The following GFPT2 variants were observed in gnomAD, a reference collection of about 807,000 sequenced individuals.
GFPT2 encodes glutamine--fructose-6-phosphate transaminase 2, also known as glutamine--fructose-6-phosphate aminotransferase [isomerizing] 2.
In GFPT2, 62 loss-of-function variants were observed where a neutral mutation model predicts 85.6. That is an observed-to-expected ratio of 0.72 (90% confidence interval 0.59 to 0.90). GFPT2 has a LOEUF of 0.90. GFPT2 is among the 40% of genes least tolerant of loss of function. GFPT2 has a pLI of 0.00. For missense variants in GFPT2, 788 were observed against 893.4 expected, an observed-to-expected ratio of 0.88 and a Z score of 1.50; for synonymous variants, 368 against 344.5, an observed-to-expected ratio of 1.07 and a Z score of -0.75.
intron 10 of GFPT2, among the ~76,000 whole-genome samples, chr5:180,317,552 G>A (rs1258561528): frequency 1.3e-5 from 2 of 151,254 alleles, no homozygotes; most frequent in Non-Finnish European, 2.9e-5. Flanking sequence ...GAAGTCAGGA[G>A]ATCGAGACCA....
At chr5:180,336,380 G>A in intron 3 of GFPT2, 99 bp downstream of exon 3, 2 of 790,044 alleles carry the variant, frequency 2.5e-6, no homozygotes, top group South Asian at 1.4e-5. Flanking sequence ...TCTGAGCTGG[G>A]ACAAAGGAGA....
At chr5:180,305,259 C>G (rs1763754189) in intron 16 of GFPT2, among the ~76,000 whole-genome samples, 1 of 152,182 alleles carries the variant, frequency 6.6e-6, no homozygotes, top group Non-Finnish European at 1.5e-5. Flanking sequence ...CGGAGTCAGC[C>G]TAGCTCACCC....
chr5:180,308,871 G>T (rs919081622), intron 15 of GFPT2, among the ~76,000 whole-genome samples: 16 of 146,408 alleles, frequency 1.1e-4, no homozygotes, highest in African/African-American at 3.5e-4. Flanking sequence ...CATCAGAGAA[G>T]ACTTTTTTTT....
chr5:180,313,954 C>T lies in GFPT2; in HGVS notation c.1284G>A (p.Ala428=), dbSNP rs368152280. 1.0e-4 allele frequency: 165 copies of T among 1,597,420 alleles called. 1 individual carries two copies. The African/African-American group carries it at 2.0e-3, about 19-fold the overall frequency. Residue 428 remains alanine, a synonymous_variant, in exon 14 of 19, where the codon GCG becomes GCA. Transcript: ENST00000253778. Reference sequence around the variant, plus strand: ...AGTAGCGCAGCGCCAGGAGGGTGTCCGCGGTCTCGCCTGCCGCCCAGGGGC... The same window carrying T: ...AGTAGCGCAGCGCCAGGAGGGTGTCTGCGGTCTCGCCTGCCGCCCAGGGGC... ...CFFISQSGET[A]DTLLALRYCK...
chr5:180,301,683 G>A, intron 18 of GFPT2, 75 bp from the exon 19 acceptor site: 1 of 1,245,678 alleles, frequency 8.0e-7, no homozygotes, highest in Non-Finnish European at 1.2e-6. Flanking sequence ...ACAATTTTCA[G>A]AGTACTTAAA....
At chr5:180,346,414 C>T (rs1764609321) in intron 1 of GFPT2, among the ~76,000 whole-genome samples, 2 of 152,190 alleles carry the variant, frequency 1.3e-5, no homozygotes, top group South Asian at 2.1e-4. Context: ...AGAGCCAAGC[C>T]CCACCACGGG....
chr5:180,306,800 C>T (rs902362400), intron 16 of GFPT2, among the ~76,000 whole-genome samples: 11 of 152,304 alleles, frequency 7.2e-5, no homozygotes, highest in African/African-American at 2.6e-4. Flanking sequence ...CTTTCAGAGG[C>T]TTTGTTTCCT....
At chr5:180,303,074 C>CA (rs1425707478) in intron 17 of GFPT2, among the ~76,000 whole-genome samples, 1 of 142,068 alleles carries the variant, frequency 7.0e-6, no homozygotes, top group Non-Finnish European at 1.6e-5. Context: ...CTAAAAAATA[C>CA]AAAAAATTAG....
At chr5:180,314,009 G>A (rs1214905044) in intron 13 of GFPT2, 45 bp from the exon 14 acceptor site, 1 of 1,537,550 alleles carries the variant, frequency 6.5e-7, no homozygotes, top group African/African-American at 1.4e-5. Context: ...GCCAGCCTCG[G>A]CCCCACCCCA....
At chr5:180,317,475 C>CCAGCCACA (rs1764032287) in intron 10 of GFPT2, among the ~76,000 whole-genome samples, 1 of 151,734 alleles carries the variant, frequency 6.6e-6, no homozygotes, top group African/African-American at 2.4e-5. Context: ...AAAAACCTTT[C>CCAGCCACA]CAGGCCGGGC....
chr5:180,333,854 G>C (rs1031238211), intron 4 of GFPT2, among the ~76,000 whole-genome samples: 1 of 152,046 alleles, frequency 6.6e-6, no homozygotes, highest in African/African-American at 2.4e-5. Flanking sequence ...TCCCTGCTTT[G>C]GGGACACAAT....
intron 9 of GFPT2, 63 bp downstream of exon 9, chr5:180,324,122 CAGT>C: frequency 2.3e-6 from 2 of 880,608 alleles, no homozygotes; most frequent in Non-Finnish European, 3.7e-6. Context: ...TAAGAACCGG[CAGT>C]GTTTAGACAG....
At chr5:180,313,506 C>T (rs563828033) in intron 14 of GFPT2, among the ~76,000 whole-genome samples, 44 of 151,414 alleles carry the variant, frequency 2.9e-4, no homozygotes, top group Non-Finnish European at 1.8e-4. Context: ...AGGAGAATGG[C>T]GTGAACCCGG....
chr5:180,340,229 A>G (rs1764485601), intron 1 of GFPT2, among the ~76,000 whole-genome samples: 1 of 151,642 alleles, frequency 6.6e-6, no homozygotes, highest in African/African-American at 2.4e-5. Flanking sequence ...TTTTTGAGAC[A>G]GAGTTTCATT....
intron 8 of GFPT2, 192 bp from the exon 9 acceptor site, chr5:180,324,497 A>G (rs997677387): frequency 1.7e-6 from 1 of 587,676 alleles, no homozygotes; most frequent in East Asian, 2.8e-5. Flanking sequence ...AAATGGCTAC[A>G]GTGTGAGAGG....
chr5:180,316,737 T>A lies in GFPT2; in HGVS notation c.1152+27A>T, dbSNP rs529319834. On this transcript the variant is annotated intron_variant, in intron 12 of 18. Transcript: ENST00000253778. ...TGTCTGGTCCTAGACTGCCGTCGACTTCCCCACGCACATGTGTCACACTTA... is the reference window on the plus strand; with the variant it reads ...TGTCTGGTCCTAGACTGCCGTCGACATCCCCACGCACATGTGTCACACTTA... 18 of 1,518,452 alleles carry A rather than the reference T, an allele frequency of 1.2e-5. No homozygotes were observed. In the Admixed American group the frequency reaches 3.1e-4, roughly 26 times the overall value. 94.1% of individuals were successfully genotyped at this position (1,518,452 alleles called of 1,614,324 possible). A position where few individuals can be genotyped will look rare whatever the true frequency, so the allele number is the denominator to read the frequency against.
Position 180,342,502 on chromosome 5 carries a change from C to T in GFPT2, c.8-3902G>A, listed in dbSNP as rs572123337. 2.0e-5 allele frequency among the ~76,000 whole-genome samples: 3 copies of T among 151,524 alleles called. No homozygotes were observed. The South Asian group carries it at 6.3e-4, about 32-fold the overall frequency. On this transcript the variant is annotated intron_variant, in intron 1 of 18. Coordinates refer to ENST00000253778, the MANE Select transcript of GFPT2 (RefSeq NM_005110.4). ...TCGGCTCACTGCAACCTCGAACTCC[C>T]AGGCCCAAGCTATCCCCACAGCCTT...
chr5:180,331,461 C>A (rs1424942673), intron 5 of GFPT2, 34 bp downstream of exon 5: 8 of 1,310,950 alleles, frequency 6.1e-6, no homozygotes, highest in Non-Finnish European at 8.8e-6. Flanking sequence ...CCAATCCCAC[C>A]GGACTGAGAC....
intron 14 of GFPT2, among the ~76,000 whole-genome samples, chr5:180,313,551 CTG>C (rs1343174798): frequency 6.6e-6 from 1 of 151,380 alleles, no homozygotes; most frequent in African/African-American, 2.4e-5. Flanking sequence ...GATCGCGCCC[CTG>C]CACTCCAGCC....
Sources: allele counts gnomAD v4.1 joint callset (sites outside exome capture counted in the v4.1 genomes callset), GRCh38; gene constraint gnomAD v4.1.1; transcripts MANE v1.5; gene names NCBI Gene and HGNC (gene_info 2026-07-23, HGNC 2026-07-21).